GRM7: variants seen among roughly 807,000 people sequenced by gnomAD.
GRM7 encodes the protein metabotropic glutamate receptor 7.
GRM7 carries 35 observed loss-of-function variants against 84.5 expected under a neutral mutation model. The observed-to-expected ratio is 0.41, with a 90% CI of 0.32 to 0.55. GRM7 has a LOEUF of 0.55. GRM7 is among the 20% of genes least tolerant of loss of function. The pLI, the probability that GRM7 is intolerant of heterozygous loss-of-function variation, is 0.19. For synonymous variants in GRM7, 487 were observed against 455.1 expected (o/e 1.07, Z -0.89); for missense variants, 1,003 against 1,194.6 (o/e 0.84, Z 2.36).
rs1323744086 is a variant in GRM7, at chr3:7,273,281, T to C, written c.737-25403T>C. Among the ~76,000 whole-genome samples the C allele has an allele frequency of 9.2e-5, 14 of 152,230 alleles. No homozygotes were observed. In the East Asian group the frequency reaches 2.7e-3, roughly 29 times the overall value. ...GTGTTTGTATGGCCCAAATATGATC[T>C]ATTTTAGTTGAAGTCCTTTGTGAGC... On this transcript the variant is annotated intron_variant, in intron 2 of 9. Transcript: ENST00000357716.
At chr3:7,331,154 A>T (rs1162306502) in intron 4 of GRM7, among the ~76,000 whole-genome samples, 1 of 152,222 alleles carries the variant, frequency 6.6e-6, no homozygotes, top group Non-Finnish European at 1.5e-5. Flanking sequence ...TATTCCCTCT[A>T]TACTAAAGTT....
At chr3:7,053,037 C>T (rs1697066026) in intron 1 of GRM7, among the ~76,000 whole-genome samples, 2 of 148,752 alleles carry the variant, frequency 1.3e-5, no homozygotes, top group Admixed American at 6.7e-5. Flanking sequence ...GCCAGTTGGT[C>T]AGTATTCTCA....
At chr3:7,735,811 G>C (rs1476193238) in intron 9 of GRM7, among the ~76,000 whole-genome samples, 2 of 152,020 alleles carry the variant, frequency 1.3e-5, no homozygotes, top group Non-Finnish European at 2.9e-5. Flanking sequence ...TTTTTTCTTG[G>C]AGAATCACAC....
intron 1 of GRM7, among the ~76,000 whole-genome samples, chr3:7,032,226 T>C (rs994116042): frequency 3.3e-5 from 5 of 152,232 alleles, no homozygotes; most frequent in Non-Finnish European, 5.9e-5. Context: ...ATGTAGAATC[T>C]ATACTTCTTG....
At chr3:7,482,713 T>C (rs953632260) in intron 7 of GRM7, among the ~76,000 whole-genome samples, 2 of 152,188 alleles carry the variant, frequency 1.3e-5, no homozygotes, top group African/African-American at 2.4e-5. Context: ...GATCTAGAGA[T>C]AAAGGTTTTT....
At position 7,578,974 on chromosome 3, in the gene GRM7, T is replaced by G. The variant is rs1325668180; in HGVS notation, c.2068T>G (p.Ser690Ala). ...IYRIFEQGKK[S>A]VTAPRLISPT... ...TCGCATATTTGAGCAGGGCAAGAAA[T>G]CAGTAACAGCTCCCAGACTCATAAG... The change falls in exon 8 of 10, where the codon TCA becomes GCA. Residue 690 changes from serine to alanine, a missense_variant. By Grantham distance (99) the Ser-to-Ala change is moderately conservative. Around this residue, in one of 2 missense-constraint regions of GRM7, gnomAD observed 910 missense variants for 1,126.0 expected, o/e 0.81. Transcript: ENST00000357716. 1 of 1,613,940 alleles carries G rather than the reference T, an allele frequency of 6.2e-7. No individual in the cohort carries two copies. Among genetic ancestry groups the G allele is most frequent in the African/African-American group, 1.3e-5 (1 of 74,876 alleles).
At chr3:7,183,496 G>A (rs1328787342) in intron 2 of GRM7, among the ~76,000 whole-genome samples, 1 of 152,050 alleles carries the variant, frequency 6.6e-6, no homozygotes, top group East Asian at 1.9e-4. Flanking sequence ...GCGTGGTGGT[G>A]CATGCCTGTA....
At chr3:6,919,514 A>T (rs1280090577) in intron 1 of GRM7, among the ~76,000 whole-genome samples, 1 of 150,352 alleles carries the variant, frequency 6.7e-6, no homozygotes, top group East Asian at 2.0e-4. Context: ...GGCCAGAAAT[A>T]TATTTTATAT....
chr3:6,902,773 C>T (rs912878150), intron 1 of GRM7, among the ~76,000 whole-genome samples: 1 of 151,790 alleles, frequency 6.6e-6, no homozygotes, highest in African/African-American at 2.4e-5. Context: ...TTGACTTGCT[C>T]AAGAGTCGTT....
In GRM7 at chr3:7,023,982, T is replaced by A. The variant is rs55776133; in HGVS notation, c.520-122470T>A. ...GGTGGGTGATGGAGACCAGGCCTGT[T>A]CTCTCCAGGCAGGCTCTGAAATCTT... is the stretch of plus-strand genomic sequence containing the variant. On this transcript the variant is annotated intron_variant, in intron 1 of 9. Transcript: ENST00000357716. 6.5e-3 allele frequency among the ~76,000 whole-genome samples: 990 copies of A among 152,222 alleles called. 11 individuals are homozygous for A. The highest frequency in any genetic ancestry group is 0.022 in the African/African-American group (912 of 41,556).
At chr3:7,262,093 C>T (rs1404917798) in intron 2 of GRM7, among the ~76,000 whole-genome samples, 1 of 150,654 alleles carries the variant, frequency 6.6e-6, no homozygotes, top group Non-Finnish European at 1.5e-5. Context: ...CTCTTATTGC[C>T]TTTGACTTTT....
At chr3:7,376,764 GA>G (rs1175354473) in intron 4 of GRM7, among the ~76,000 whole-genome samples, 1 of 128,476 alleles carries the variant, frequency 7.8e-6, no homozygotes, top group African/African-American at 2.6e-5. Flanking sequence ...GCTCTTTACA[GA>G]AAAGAAAATT....
intron 8 of GRM7, among the ~76,000 whole-genome samples, chr3:7,656,229 C>G (rs1575599274): frequency 6.6e-6 from 1 of 152,102 alleles, no homozygotes; most frequent in Non-Finnish European, 1.5e-5. Context: ...ATGGCTCACT[C>G]CTGTAAGCCC....
chr3:7,103,832 C>CTG (rs1699206832), intron 1 of GRM7, among the ~76,000 whole-genome samples: 1 of 122,270 alleles, frequency 8.2e-6, no homozygotes, highest in Non-Finnish European at 1.6e-5. Context: ...CTCTCTCTGT[C>CTG]TCTCTCTCCC....
chr3:7,579,039 A>G lies in GRM7; in HGVS notation c.2133A>G (p.Ser711=). The G allele has an allele frequency of 6.2e-7, 1 of 1,614,102 alleles. No homozygotes were observed. The highest frequency in any genetic ancestry group is 8.5e-7 in the Non-Finnish European group (1 of 1,179,996). ...SQLAITSSLI[S]VQLLGVFIWF... ...TGGCAATCACTTCCAGTTTAATATC[A>G]GTTCAGCTTCTAGGGGTGTTCATTT... The change falls in exon 8 of 10, where the codon TCA becomes TCG. Residue 711 remains serine (S), a synonymous_variant. Coordinates refer to ENST00000357716, the MANE Select transcript of GRM7 (RefSeq NM_000844.4).
intron 1 of GRM7, among the ~76,000 whole-genome samples, chr3:6,878,390 T>C (rs1289458118): frequency 6.6e-6 from 1 of 151,162 alleles, no homozygotes; most frequent in Admixed American, 6.6e-5. Flanking sequence ...TGTGTGTGTG[T>C]GTGTGTGTGT....
At chr3:7,422,446 C>G (rs1349249769) in intron 5 of GRM7, among the ~76,000 whole-genome samples, 1 of 152,098 alleles carries the variant, frequency 6.6e-6, no homozygotes, top group East Asian at 1.9e-4. Flanking sequence ...CCACATGTGC[C>G]TAGTGGCAAC....
chr3:7,609,488 G>A (rs1559436994), intron 8 of GRM7, among the ~76,000 whole-genome samples: 1 of 152,198 alleles, frequency 6.6e-6, no homozygotes, highest in Non-Finnish European at 1.5e-5. Flanking sequence ...TAGACCACAA[G>A]TGAAACTTGC....
intron 4 of GRM7, among the ~76,000 whole-genome samples, chr3:7,394,042 T>C (rs1327261216): frequency 6.6e-6 from 1 of 152,130 alleles, no homozygotes; most frequent in African/African-American, 2.4e-5. Context: ...TAAATCCTTT[T>C]TAAGTCATTA....
Sources: gnomAD v4.1 joint callset for allele counts (sites outside exome capture counted in the v4.1 genomes callset) on GRCh38, gnomAD v4.1.1 for gene constraint, gnomAD v4.1.1 regional missense constraint, MANE v1.5 for transcripts, NCBI Gene and HGNC (gene_info 2026-07-23, HGNC 2026-07-21) for gene names.